The following CUL3 variants were observed in gnomAD, a reference collection of about 807,000 sequenced individuals.
CUL3 encodes the protein cullin-3.
A neutral mutation model predicts 89.1 loss-of-function variants in CUL3; 19 were observed. The observed-to-expected ratio is 0.21, with a 90% CI of 0.15 to 0.31. CUL3 has a LOEUF of 0.31. Among genes scored for constraint, CUL3 ranks in the 10% least tolerant of loss-of-function variants. CUL3 has a pLI of 1.00. For missense variants in CUL3, 469 were observed against 942.3 expected, an observed-to-expected ratio of 0.50 and a Z score of 6.58; for synonymous variants, 351 against 308.4, an observed-to-expected ratio of 1.14 and a Z score of -1.45.
intron 5 of CUL3, among the ~76,000 whole-genome samples, chr2:224,511,936 T>C (rs13024297): frequency 6.6e-6 from 1 of 152,068 alleles, no homozygotes; most frequent in Admixed American, 6.6e-5. Flanking sequence ...TTTGTTTTAA[T>C]GTAAAATTAT....
At chr2:224,564,186 T>C (rs1472054745) in intron 1 of CUL3, among the ~76,000 whole-genome samples, 4 of 152,138 alleles carry the variant, frequency 2.6e-5, no homozygotes, top group African/African-American at 7.2e-5. Context: ...CTTGGGAGGC[T>C]AGGGCACAAG....
chr2:224,484,240 C>A (rs1466724), intron 13 of CUL3, among the ~76,000 whole-genome samples: 3 of 152,036 alleles, frequency 2.0e-5, no homozygotes, highest in Admixed American at 2.0e-4. Context: ...TTTAACCCCC[C>A]ACAAAAATAG....
chr2:224,501,124 C>A (rs1427690134), intron 10 of CUL3, among the ~76,000 whole-genome samples: 2 of 152,150 alleles, frequency 1.3e-5, no homozygotes, highest in Admixed American at 6.5e-5. Flanking sequence ...CAAGGAGGGT[C>A]AATTATATCA....
intron 2 of CUL3, among the ~76,000 whole-genome samples, chr2:224,540,551 C>G (rs1432497913): frequency 6.6e-6 from 1 of 152,130 alleles, no homozygotes; most frequent in East Asian, 1.9e-4. Flanking sequence ...ATATAACATC[C>G]AGGACTAGGA....
chr2:224,506,255 T>C lies in CUL3; in HGVS notation c.1030-123A>G, dbSNP rs1223027943. 5 of 634,770 alleles carry C rather than the reference T, an allele frequency of 7.9e-6. No homozygotes were observed. In the African/African-American group the frequency reaches 9.3e-5, roughly 12 times the overall value. The allele number at this position is 634,770 out of a possible 1,614,324, so 39.3% of individuals were successfully genotyped here. A position where few individuals can be genotyped will look rare whatever the true frequency, so the allele number is the denominator to read the frequency against. ...AAACATGTATATTCATTTTTAAACT[T>C]ACAGTTTTGATATTATTTTCAAGCC... is the stretch of plus-strand genomic sequence containing the variant. On this transcript the variant is annotated intron_variant, in intron 7 of 15. Coordinates refer to ENST00000264414, the MANE Select transcript of CUL3 (RefSeq NM_003590.5).
At chr2:224,510,334 T>G (rs1692775420) in intron 6 of CUL3, among the ~76,000 whole-genome samples, 1 of 151,698 alleles carries the variant, frequency 6.6e-6, no homozygotes, top group Non-Finnish European at 1.5e-5. Flanking sequence ...CATATAACTT[T>G]TCAGGGATTT....
At chr2:224,501,439 CAAT>C (rs543555881) in intron 10 of CUL3, among the ~76,000 whole-genome samples, 39 of 152,190 alleles carry the variant, frequency 2.6e-4, no homozygotes, top group South Asian at 1.5e-3. Flanking sequence ...AAGTAAACAA[CAAT>C]AAGGCACAAC....
At chr2:224,564,945 T>C (rs1559231961) in intron 1 of CUL3, among the ~76,000 whole-genome samples, 3 of 152,216 alleles carry the variant, frequency 2.0e-5, no homozygotes, top group Admixed American at 2.0e-4. Flanking sequence ...TATTTTTTCT[T>C]ATCTCTCATC....
chr2:224,573,214 A>G (rs528404546), intron 1 of CUL3, among the ~76,000 whole-genome samples: 4 of 152,340 alleles, frequency 2.6e-5, no homozygotes, highest in Admixed American at 2.6e-4. Flanking sequence ...ATCAAAAATC[A>G]AAGTATTTTA....
chr2:224,473,783 T>G lies in CUL3; in HGVS notation c.*462A>C, dbSNP rs541625442. 1.0e-5 allele frequency: 2 copies of G among 191,656 alleles called. No individual in the cohort carries two copies. Among genetic ancestry groups the G allele is most frequent in the Non-Finnish European group, 2.2e-5 (2 of 91,304 alleles). The allele number at this position is 191,656 out of a possible 1,614,324, so 11.9% of individuals were successfully genotyped here. A position where few individuals can be genotyped will look rare whatever the true frequency, so the allele number is the denominator to read the frequency against. On this transcript the variant is annotated 3_prime_UTR_variant, in exon 16 of 16. Transcript: ENST00000264414. ...AAATAAGACTAGCTAAAGAAATGTC[T>G]TCAGAGCAAGATAACTGGGAAATCT...
chr2:224,511,053 C>G (rs941111479), intron 6 of CUL3, among the ~76,000 whole-genome samples: 26 of 152,144 alleles, frequency 1.7e-4, no homozygotes, highest in African/African-American at 6.3e-4. Flanking sequence ...ACAGGAAGTA[C>G]AGGAATGAAT....
At chr2:224,486,683 G>A (rs764481362) in intron 13 of CUL3, among the ~76,000 whole-genome samples, 25 of 152,140 alleles carry the variant, frequency 1.6e-4, no homozygotes, top group Non-Finnish European at 3.2e-4. Flanking sequence ...AACCAACTTG[G>A]AAAACACACT....
At chr2:224,537,815 T>C (rs926582874) in intron 2 of CUL3, among the ~76,000 whole-genome samples, 2 of 152,166 alleles carry the variant, frequency 1.3e-5, no homozygotes, top group Non-Finnish European at 2.9e-5. Flanking sequence ...TACATTAAAA[T>C]CACCCTGAAT....
chr2:224,487,861 A>G (rs1306494128), intron 13 of CUL3, among the ~76,000 whole-genome samples: 1 of 152,238 alleles, frequency 6.6e-6, no homozygotes, highest in African/African-American at 2.4e-5. Flanking sequence ...AACACTCCTC[A>G]GCAAATGCAA....
intron 6 of CUL3, among the ~76,000 whole-genome samples, chr2:224,510,545 G>T (rs2106213140): frequency 6.6e-6 from 1 of 152,120 alleles, no homozygotes; most frequent in Admixed American, 6.5e-5. Context: ...TTACTAAAAA[G>T]AAGTGGATAA....
At position 224,495,915 on chromosome 2, in the gene CUL3, T is replaced by C. The variant is rs2106180040; in HGVS notation, c.1759A>G (p.Thr587Ala). 1 of 1,614,060 alleles carries C rather than the reference T, an allele frequency of 6.2e-7. No individual in the cohort carries two copies. Among genetic ancestry groups the C allele is most frequent in the Non-Finnish European group, 8.5e-7 (1 of 1,179,910 alleles). ...VGGAQVTGSN[T>A]RKHILQVSTF... ...GAAACTTGCAATATGTGCTTCCGTG[T>C]ATTAGAGCCAGTTACTTGTGCACCT... The change falls in exon 13 of 16, where the codon ACA becomes GCA. Residue 587 changes from threonine to alanine, a missense_variant. Transcript: ENST00000264414.
At chr2:224,567,087 G>T (rs1695060047) in intron 1 of CUL3, among the ~76,000 whole-genome samples, 1 of 152,158 alleles carries the variant, frequency 6.6e-6, no homozygotes, top group Admixed American at 6.5e-5. Flanking sequence ...GTTCCATCGT[G>T]TTATTCCAGG....
chr2:224,526,811 A>C (rs1036306693), intron 3 of CUL3, among the ~76,000 whole-genome samples: 5 of 150,140 alleles, frequency 3.3e-5, no homozygotes, highest in Non-Finnish European at 7.4e-5. Context: ...AGCAAGACTA[A>C]GTCTCCAAAA....
At chr2:224,561,891 T>C (rs1301807617) in intron 1 of CUL3, among the ~76,000 whole-genome samples, 3 of 150,158 alleles carry the variant, frequency 2.0e-5, no homozygotes, top group East Asian at 2.1e-4. Context: ...TCTCTTGACA[T>C]TGAGTAACAA....
Sources: gnomAD v4.1 joint callset for allele counts (sites outside exome capture counted in the v4.1 genomes callset) on GRCh38, gnomAD v4.1.1 for gene constraint, MANE v1.5 for transcripts, NCBI Gene and HGNC (gene_info 2026-07-23, HGNC 2026-07-21) for gene names.